PCBP3: variants seen among roughly 807,000 people sequenced by gnomAD.
PCBP3 encodes poly(rC)-binding protein 3.
Under a neutral mutation model 52.7 loss-of-function variants are expected in PCBP3, and 25 were observed. The ratio of observed to expected loss-of-function variants is 0.47; its 90% CI spans 0.35 to 0.66. The LOEUF (loss-of-function observed/expected upper bound fraction) is 0.66, where lower values mean the gene tolerates loss of function less well. Among genes scored for constraint, PCBP3 ranks in the 30% least tolerant of loss-of-function variants. The pLI is 0.01. For synonymous variants in PCBP3, 162 were observed against 183.0 expected, an observed-to-expected ratio of 0.89 and a Z score of 0.93; for missense variants, 391 against 490.3, an observed-to-expected ratio of 0.80 and a Z score of 1.91.
At chr21:45,684,843 G>A (rs771934644) in intron 2 of PCBP3, among the ~76,000 whole-genome samples, 1 of 152,192 alleles carries the variant, frequency 6.6e-6, no homozygotes, top group Non-Finnish European at 1.5e-5. Context: ...TTAAACCAGA[G>A]AAATATGAAT....
chr21:45,650,501 A>G (rs2079607633), intron 1 of PCBP3, among the ~76,000 whole-genome samples: 1 of 151,914 alleles, frequency 6.6e-6, no homozygotes, highest in South Asian at 2.1e-4. Context: ...CCCAGGCTAG[A>G]GTGTAGTGGT....
intron 4 of PCBP3, among the ~76,000 whole-genome samples, chr21:45,768,990 C>T (rs1425578816): frequency 2.6e-5 from 4 of 152,346 alleles, no homozygotes; most frequent in Admixed American, 6.5e-5. Flanking sequence ...TCCAGGAGGA[C>T]GGTGTCTCTG....
At chr21:45,888,986 A>T (rs773491631) in intron 5 of PCBP3, among the ~76,000 whole-genome samples, 3 of 152,276 alleles carry the variant, frequency 2.0e-5, no homozygotes, top group Non-Finnish European at 4.4e-5. Flanking sequence ...TGCACATTAA[A>T]TAGCCCTTGT....
At chr21:45,740,374 A>G (rs925056022) in intron 3 of PCBP3, among the ~76,000 whole-genome samples, 3 of 152,368 alleles carry the variant, frequency 2.0e-5, no homozygotes, top group South Asian at 4.1e-4. Context: ...AAATTAAAAA[A>G]AATTATTCCC....
At chr21:45,674,082 C>G (rs939137660) in intron 2 of PCBP3, among the ~76,000 whole-genome samples, 7 of 152,032 alleles carry the variant, frequency 4.6e-5, no homozygotes, top group African/African-American at 1.5e-4. Flanking sequence ...GTAATGGAAC[C>G]ATGTTTCTCA....
intron 4 of PCBP3, among the ~76,000 whole-genome samples, chr21:45,801,396 G>A (rs2092298486): frequency 6.6e-6 from 1 of 152,254 alleles, no homozygotes; most frequent in African/African-American, 2.4e-5. Context: ...CAGGGCCCCT[G>A]GGTGCACAAG....
Position 45,880,546 on chromosome 21 carries a change from C to CA in PCBP3, c.11-15661dup, listed in dbSNP as rs1428474561. ...GAGGCCGTGGAAATTGAGCTGGGCT[C>CA]AGTGCTCATGGTGTGAATCTGTCTA... is the stretch of plus-strand genomic sequence containing the variant. On this transcript the variant is annotated intron_variant, in intron 5 of 17. Transcript: ENST00000681687. The surrounding 1 kb of genome is among the most constrained non-coding windows in gnomAD (Gnocchi z 5.4). Among the ~76,000 whole-genome samples, 1 of 152,232 alleles carries CA rather than the reference C, an allele frequency of 6.6e-6. No individual in the cohort carries two copies. Among genetic ancestry groups the CA allele is most frequent in the Non-Finnish European group, 1.5e-5 (1 of 68,048 alleles).
At chr21:45,782,199 A>T (rs1361621025) in intron 4 of PCBP3, among the ~76,000 whole-genome samples, 1 of 152,212 alleles carries the variant, frequency 6.6e-6, no homozygotes, top group Non-Finnish European at 1.5e-5. Context: ...GAAAGACGAG[A>T]TAAAAACGTG....
At chr21:45,896,386 T>C in intron 6 of PCBP3, 24 bp downstream of exon 6, 1 of 1,549,566 alleles carries the variant, frequency 6.5e-7, no homozygotes, top group Non-Finnish European at 8.7e-7. Context: ...CCATTGTCTC[T>C]GTAGGAAAGG....
chr21:45,698,808 A>G lies in PCBP3; in HGVS notation c.-200+29856A>G, dbSNP rs530853817. On this transcript the variant is annotated intron_variant, in intron 2 of 17. Coordinates refer to ENST00000681687, the MANE Select transcript of PCBP3 (RefSeq NM_001384156.1). ...TTTGGCTTGGCCCTTCTTCATTTTG[A>G]TGCAACCTGAGTTTAATGCATCATG... Among the ~76,000 whole-genome samples, 15 of 152,308 alleles carry G rather than the reference A, an allele frequency of 9.8e-5. 1 individual carries two copies. Among genetic ancestry groups the G allele is most frequent in the Admixed American group, 3.9e-4 (6 of 15,302 alleles).
intron 4 of PCBP3, among the ~76,000 whole-genome samples, chr21:45,807,163 A>G (rs373173602): frequency 1.3e-5 from 2 of 152,188 alleles, no homozygotes; most frequent in African/African-American, 4.8e-5. Context: ...CTCCTATTCA[A>G]CATAGTATTG....
At chr21:45,893,627 G>C (rs1479228147) in intron 5 of PCBP3, 13 of 540,816 alleles carry the variant, frequency 2.4e-5, no homozygotes, top group Non-Finnish European at 2.8e-5. Flanking sequence ...GGATGAGGTG[G>C]GTGGGGACCC....
At chr21:45,770,156 C>T (rs2145782474) in intron 4 of PCBP3, among the ~76,000 whole-genome samples, 2 of 152,332 alleles carry the variant, frequency 1.3e-5, no homozygotes, top group Admixed American at 1.3e-4. Context: ...CCCCTGAACT[C>T]CGCCGAAGGG....
chr21:45,664,583 CAAAG>C (rs989664202), intron 1 of PCBP3, among the ~76,000 whole-genome samples: 2 of 150,852 alleles, frequency 1.3e-5, no homozygotes, highest in Non-Finnish European at 2.9e-5. Context: ...CTTTCAGAGA[CAAAG>C]AGCTTTTATT....
chr21:45,907,451 T>C (rs1254577707), intron 9 of PCBP3, among the ~76,000 whole-genome samples: 1 of 152,216 alleles, frequency 6.6e-6, no homozygotes, highest in Non-Finnish European at 1.5e-5. Flanking sequence ...GAAGGGACTT[T>C]CTAGTCTGTC....
intron 1 of PCBP3, among the ~76,000 whole-genome samples, chr21:45,661,105 C>A (rs1353348010): frequency 2.0e-5 from 3 of 151,990 alleles, no homozygotes; most frequent in Non-Finnish European, 4.4e-5. Flanking sequence ...TAATTACTGG[C>A]TTTTACAGTT....
chr21:45,871,158 C>T (rs1221494639), intron 5 of PCBP3: 1 of 176,724 alleles, frequency 5.7e-6, no homozygotes, highest in Non-Finnish European at 1.2e-5. Context: ...AGATGGGAAC[C>T]CCCCAGGGAA....
At chr21:45,669,437 T>C (rs1257952970) in intron 2 of PCBP3, among the ~76,000 whole-genome samples, 1 of 152,156 alleles carries the variant, frequency 6.6e-6, no homozygotes, top group Non-Finnish European at 1.5e-5. Context: ...GTTAAACATA[T>C]ATAACATAAA....
rs1056457914 is a variant in PCBP3 at position 45,736,323 on chromosome 21, C to A, written c.-162+894C>A. Among the ~76,000 whole-genome samples the A allele has an allele frequency of 2.0e-5, 3 of 152,196 alleles. No homozygotes were observed. Among genetic ancestry groups the A allele is most frequent in the African/African-American group, 7.2e-5 (3 of 41,454 alleles). ...GGGGCTGGGATTTGAGCCAAGTCTTCCAACTTCACAATAGCAGAGTAAGAA... is the reference window on the plus strand; with the variant it reads ...GGGGCTGGGATTTGAGCCAAGTCTTACAACTTCACAATAGCAGAGTAAGAA... On this transcript the variant is annotated intron_variant, in intron 3 of 17. Coordinates refer to ENST00000681687, the MANE Select transcript of PCBP3 (RefSeq NM_001384156.1). This position sits in a 1 kb window ranked among gnomAD's most constrained non-coding sequence, Gnocchi z 4.6.
Sources: gnomAD v4.1 joint callset for allele counts (sites outside exome capture counted in the v4.1 genomes callset) on GRCh38, gnomAD v4.1.1 for gene constraint, Gnocchi (gnomAD v3.1) non-coding constraint, MANE v1.5 for transcripts, NCBI Gene and HGNC (gene_info 2026-07-23, HGNC 2026-07-21) for gene names.